ADAMTS17: variants seen among roughly 807,000 people sequenced by gnomAD.
The protein encoded by ADAMTS17 is A disintegrin and metalloproteinase with thrombospondin motifs 17.
In ADAMTS17, 113 loss-of-function variants were observed where a neutral mutation model predicts 141.5. The ratio of observed to expected loss-of-function variants is 0.80; its 90% confidence interval spans 0.69 to 0.93. The LOEUF is 0.93. ADAMTS17 is among the 40% of genes least tolerant of loss of function. ADAMTS17 has a pLI of 0.00. For missense variants in ADAMTS17, 1,659 were observed against 1,517.9 expected (o/e 1.09, Z -1.54); for synonymous variants, 768 against 630.6 (o/e 1.22, Z -3.27).
intron 3 of ADAMTS17, among the ~76,000 whole-genome samples, chr15:100,294,523 C>T (rs2142143332): frequency 6.6e-6 from 1 of 151,602 alleles, no homozygotes; most frequent in South Asian, 2.1e-4. Flanking sequence ...TCCCCCAAGC[C>T]TAGGAGTTTG....
intron 7 of ADAMTS17, among the ~76,000 whole-genome samples, chr15:100,237,796 A>T (rs964318012): frequency 6.6e-6 from 1 of 151,988 alleles, no homozygotes; most frequent in Non-Finnish European, 1.5e-5. Context: ...GCCAATTTTT[A>T]TATTTTTAGT....
intron 10 of ADAMTS17, among the ~76,000 whole-genome samples, chr15:100,142,067 G>A (rs1472017981): frequency 6.6e-6 from 1 of 152,202 alleles, no homozygotes; most frequent in East Asian, 1.9e-4. Context: ...GAAGCTGTAC[G>A]GAAAGACAGA....
At chr15:100,085,710 G>T (rs1007953704) in intron 15 of ADAMTS17, among the ~76,000 whole-genome samples, 1 of 150,260 alleles carries the variant, frequency 6.7e-6, no homozygotes, top group African/African-American at 2.5e-5. Flanking sequence ...TTAAAGAAAA[G>T]AATTTTCAAG....
Position 99,976,080 on chromosome 15 carries a change from C to A in ADAMTS17, c.3092G>T (p.Arg1031Met), listed in dbSNP as rs1231912789. The part of the protein sequence containing the change: ...RQCYQEVCND[R>M]INANTITSPR... ...GGAGGTGATGGTGTTGGCGTTGATC[C>A]TGTCGTTGCAGACCTCCTGGTAGCA... Residue 1031 changes from arginine to methionine, a missense_variant, in exon 21 of 22, where the codon AGG becomes ATG. By Grantham distance (91) the Arg-to-Met change is moderately conservative. Transcript: ENST00000268070. 1.3e-6 allele frequency: 2 copies of A among 1,551,692 alleles called. No individual in the cohort carries two copies. The highest frequency in any genetic ancestry group is 8.7e-7 in the Non-Finnish European group (1 of 1,146,980).
At chr15:100,199,254 A>T in intron 8 of ADAMTS17, 64 bp downstream of exon 8, 1 of 1,423,690 alleles carries the variant, frequency 7.0e-7, no homozygotes, top group Non-Finnish European at 9.9e-7. Flanking sequence ...ACAGAATTCA[A>T]GTGAAAAATC....
intron 7 of ADAMTS17, among the ~76,000 whole-genome samples, chr15:100,217,318 C>T (rs888095545): frequency 8.5e-5 from 13 of 152,176 alleles, no homozygotes; most frequent in African/African-American, 2.2e-4. Flanking sequence ...CAGACCTAAA[C>T]GTAAGACTGA....
chr15:100,317,707 T>C (rs2045609868), intron 3 of ADAMTS17, among the ~76,000 whole-genome samples: 1 of 152,004 alleles, frequency 6.6e-6, no homozygotes, highest in Non-Finnish European at 1.5e-5. Context: ...GCAAAAGAAA[T>C]AGTAAGTGCT....
intron 4 of ADAMTS17, among the ~76,000 whole-genome samples, chr15:100,265,292 T>C (rs1283248122): frequency 1.3e-5 from 2 of 152,136 alleles, no homozygotes; most frequent in Non-Finnish European, 2.9e-5. Context: ...CTCAAAGACA[T>C]GTAACAAAGT....
intron 3 of ADAMTS17, among the ~76,000 whole-genome samples, chr15:100,313,570 G>A (rs1396951996): frequency 1.3e-5 from 2 of 152,206 alleles, no homozygotes; most frequent in African/African-American, 4.8e-5. Context: ...GGTAAAATAA[G>A]AATCTACAAC....
In ADAMTS17 at chr15:99,972,826, G is replaced by C. The variant is rs527837059; in HGVS notation, c.*1576C>G. ...CGTAAGACAGGGTGGAGAAGGCAGA[G>C]AGGCTTCTTTCTGATTTAAGCTAAC... On this transcript the variant is annotated 3_prime_UTR_variant, in exon 22 of 22. Transcript: ENST00000268070. 6.6e-6 allele frequency: 1 copy of C among 152,230 alleles called. No homozygotes were observed. The allele number at this position is 152,230 out of a possible 1,614,324, so 9.4% of individuals were successfully genotyped here. A position where few individuals can be genotyped will look rare whatever the true frequency, so the allele number is the denominator to read the frequency against.
intron 12 of ADAMTS17, among the ~76,000 whole-genome samples, chr15:100,118,636 G>A (rs7180605): frequency 0.5 from 76,016 of 151,992 alleles, 20,315 homozygotes; most frequent in Admixed American, 0.65. Flanking sequence ...AAGGGGCCTC[G>A]GACAGCCTCC....
At chr15:100,204,466 A>T (rs1476515053) in intron 7 of ADAMTS17, among the ~76,000 whole-genome samples, 1 of 152,244 alleles carries the variant, frequency 6.6e-6, no homozygotes, top group Non-Finnish European at 1.5e-5. Flanking sequence ...AGGCTCATTG[A>T]CAAGTCCTTG....
intron 6 of ADAMTS17, among the ~76,000 whole-genome samples, chr15:100,258,550 G>A (rs948035271): frequency 2.6e-5 from 4 of 152,178 alleles, no homozygotes; most frequent in African/African-American, 9.7e-5. Flanking sequence ...CATGGCAGCA[G>A]GCAGGGGAAG....
chr15:100,096,938 C>T (rs28414006), intron 14 of ADAMTS17, among the ~76,000 whole-genome samples: 2,434 of 152,308 alleles, frequency 0.016, 70 homozygotes, highest in African/African-American at 0.053. Context: ...ACAACAGAAA[C>T]CACAGACTTT....
rs140675847 is a variant in ADAMTS17 at position 100,062,674 on chromosome 15, C to T, written c.2138-8620G>A. Reference sequence around the variant, plus strand: ...AATAAAAGGGTTTCATGGGTAACTTCGATTTAGCTAAAATCATTTTTGAAA... The same window carrying T: ...AATAAAAGGGTTTCATGGGTAACTTTGATTTAGCTAAAATCATTTTTGAAA... On this transcript the variant is annotated intron_variant, in intron 15 of 21. Transcript: ENST00000268070. 2.9e-3 allele frequency among the ~76,000 whole-genome samples: 444 copies of T among 152,286 alleles called. 2 individuals carry two copies. Among genetic ancestry groups the T allele is most frequent in the Middle Eastern group, 0.01 (3 of 294 alleles).
intron 3 of ADAMTS17, among the ~76,000 whole-genome samples, chr15:100,319,429 C>G (rs917943938): frequency 6.6e-6 from 1 of 152,148 alleles, no homozygotes; most frequent in Non-Finnish European, 1.5e-5. Flanking sequence ...AATTCAGAAG[C>G]TGGCTGGGCA....
chr15:100,152,822 TTTTTC>T lies in ADAMTS17; in HGVS notation c.1323-65_1323-61del, dbSNP rs2039240351. The T allele has an allele frequency of 2.0e-6, 3 of 1,518,116 alleles. No homozygotes were observed. In the South Asian group the frequency reaches 3.6e-5, roughly 18 times the overall value. 94.0% of individuals were successfully genotyped at this position (1,518,116 alleles called of 1,614,324 possible). A position where few individuals can be genotyped will look rare whatever the true frequency, so the allele number is the denominator to read the frequency against. ...GTACTGCCTAGGTTTTTTTGTTTTC[TTTTTC>T]TTTTTTTTTTTGAGTTTTCAGTCAC... On this transcript the variant is annotated intron_variant, in intron 9 of 21. Coordinates refer to ENST00000268070, the MANE Select transcript of ADAMTS17 (RefSeq NM_139057.4).
intron 7 of ADAMTS17, among the ~76,000 whole-genome samples, chr15:100,212,539 CAG>C (rs1263309301): frequency 6.6e-6 from 1 of 151,966 alleles, no homozygotes; most frequent in Admixed American, 6.6e-5. Flanking sequence ...TCCATAACCT[CAG>C]AAAGGTTAAA....
intron 7 of ADAMTS17, among the ~76,000 whole-genome samples, chr15:100,205,380 G>C (rs764251863): frequency 7.2e-5 from 11 of 152,086 alleles, no homozygotes; most frequent in African/African-American, 2.7e-4. Context: ...CCGGGAGAGG[G>C]GAAGGAAAGA....
Sources: gnomAD v4.1 joint callset for allele counts (sites outside exome capture counted in the v4.1 genomes callset) on GRCh38, gnomAD v4.1.1 for gene constraint, MANE v1.5 for transcripts, NCBI Gene and HGNC (gene_info 2026-07-23, HGNC 2026-07-21) for gene names.